Variants in GPC6 observed in about 807,000 individuals in gnomAD.
GPC6 encodes the protein glypican-6.
Under a neutral mutation model 55.2 loss-of-function variants are expected in GPC6, and 14 were observed. That is an observed-to-expected ratio of 0.25 (90% confidence interval 0.17 to 0.40). GPC6 has a LOEUF of 0.40. Among genes scored for constraint, GPC6 ranks in the 10% least tolerant of loss-of-function variants. The pLI, the probability that GPC6 is intolerant of heterozygous loss-of-function variation, is 1.00. For missense variants in GPC6, 641 were observed against 708.5 expected (o/e 0.90, Z 1.08); for synonymous variants, 278 against 259.6 (o/e 1.07, Z -0.68).
chr13:93,784,817 C>T (rs1038055602), intron 2 of GPC6, among the ~76,000 whole-genome samples: 1 of 152,134 alleles, frequency 6.6e-6, no homozygotes, highest in Non-Finnish European at 1.5e-5. Context: ...GGTGCCTCAA[C>T]ACATGTACAA....
At chr13:93,973,308 T>G (rs1007244726) in intron 3 of GPC6, among the ~76,000 whole-genome samples, 4 of 152,124 alleles carry the variant, frequency 2.6e-5, no homozygotes, top group Non-Finnish European at 5.9e-5. Flanking sequence ...ACAGTAAAAA[T>G]ATGGTGTTAA....
chr13:94,064,991 A>T (rs915000006), intron 4 of GPC6, among the ~76,000 whole-genome samples: 3 of 152,168 alleles, frequency 2.0e-5, no homozygotes, highest in African/African-American at 7.2e-5. Context: ...GTGAGACTTC[A>T]CAGAAAAAGG....
intron 2 of GPC6, among the ~76,000 whole-genome samples, chr13:93,765,308 T>TTCCAGATAAGCTGTCTGGAAAG: frequency 1.7e-3 from 248 of 148,484 alleles, no homozygotes; most frequent in East Asian, 3.2e-3. Context: ...AAAGACAACT[T>TTCCAGATAAGCTGTCTGGAAAG]ATTTGGTTTA....
At chr13:93,988,132 C>T (rs1442912920) in intron 3 of GPC6, among the ~76,000 whole-genome samples, 1 of 152,176 alleles carries the variant, frequency 6.6e-6, no homozygotes, top group East Asian at 1.9e-4. Context: ...TCCTCAAGCT[C>T]CTGCCAGAAA....
chr13:94,123,852 C>T (rs1381757969), intron 4 of GPC6, among the ~76,000 whole-genome samples: 1 of 151,988 alleles, frequency 6.6e-6, no homozygotes, highest in African/African-American at 2.4e-5. Flanking sequence ...CTAATGAGCC[C>T]TGTTTATCCA....
intron 3 of GPC6, among the ~76,000 whole-genome samples, chr13:93,930,227 G>A (rs1241462850): frequency 6.6e-6 from 1 of 150,960 alleles, no homozygotes; most frequent in African/African-American, 2.4e-5. Context: ...ATGCTAACAG[G>A]ACAGGAGTCT....
intron 4 of GPC6, among the ~76,000 whole-genome samples, chr13:94,037,865 G>A (rs925028792): frequency 6.6e-6 from 1 of 151,990 alleles, no homozygotes; most frequent in Non-Finnish European, 1.5e-5. Context: ...TGATGGAAAT[G>A]TTCTATGTCT....
intron 2 of GPC6, among the ~76,000 whole-genome samples, chr13:93,674,824 T>G (rs1594361898): frequency 8.7e-6 from 1 of 114,996 alleles, no homozygotes; most frequent in Admixed American, 1.0e-4. Flanking sequence ...GGCAAAGTTA[T>G]GTCAATGTCA....
At chr13:93,681,229 C>T (rs187981503) in intron 2 of GPC6, among the ~76,000 whole-genome samples, 3 of 152,154 alleles carry the variant, frequency 2.0e-5, no homozygotes, top group African/African-American at 7.2e-5. Flanking sequence ...CAGTATGTTG[C>T]AATTCCAGAA....
At chr13:93,610,945 A>C (rs1878435121) in intron 2 of GPC6, among the ~76,000 whole-genome samples, 1 of 152,140 alleles carries the variant, frequency 6.6e-6, no homozygotes, top group South Asian at 2.1e-4. Flanking sequence ...CAGATAAGAG[A>C]TATCAGAAAT....
chr13:94,351,692 T>G (rs572913121), intron 6 of GPC6, among the ~76,000 whole-genome samples: 2 of 152,202 alleles, frequency 1.3e-5, no homozygotes, highest in Admixed American at 6.5e-5. Flanking sequence ...TGATCTGCCT[T>G]CTATGACCTT....
At chr13:94,100,593 A>G (rs969500975) in intron 4 of GPC6, among the ~76,000 whole-genome samples, 1 of 152,116 alleles carries the variant, frequency 6.6e-6, no homozygotes, top group Non-Finnish European at 1.5e-5. Context: ...CAGTGTTTGG[A>G]TGGTCACCTT....
intron 1 of GPC6, among the ~76,000 whole-genome samples, chr13:93,328,757 A>G (rs1335868784): frequency 6.6e-6 from 1 of 152,154 alleles, no homozygotes; most frequent in Non-Finnish European, 1.5e-5. Context: ...GAATCTATGA[A>G]CTATTATGGC....
intron 3 of GPC6, among the ~76,000 whole-genome samples, chr13:93,956,581 T>A (rs1290948900): frequency 3.3e-5 from 5 of 152,180 alleles, no homozygotes; most frequent in South Asian, 2.1e-4. Flanking sequence ...CTCTTTCCAC[T>A]TTCGCCCCAA....
rs553300781 is a variant in GPC6, at chr13:93,421,376, T to A, written c.161-123887T>A. Among the ~76,000 whole-genome samples, 11 of 152,262 alleles carry A rather than the reference T, an allele frequency of 7.2e-5. No homozygotes were observed. In the East Asian group the frequency reaches 1.9e-3, roughly 27 times the overall value. On this transcript the variant is annotated intron_variant, in intron 1 of 8. Transcript: ENST00000377047. ...TCAAATTCCTGTTATCTTATTTAAA[T>A]GGTAGTACTGGCTTTTAGCATTATT...
At chr13:93,958,095 T>G (rs1325125585) in intron 3 of GPC6, among the ~76,000 whole-genome samples, 2 of 152,228 alleles carry the variant, frequency 1.3e-5, no homozygotes, top group African/African-American at 2.4e-5. Context: ...TTTAAGTTCC[T>G]TATAGAGTCT....
At chr13:93,362,692 T>G (rs199511027) in intron 1 of GPC6, among the ~76,000 whole-genome samples, 1 of 151,438 alleles carries the variant, frequency 6.6e-6, no homozygotes, top group Admixed American at 6.6e-5. Flanking sequence ...AAAAAAAAAT[T>G]TTTTTTAAAG....
chr13:93,554,223 A>C (rs575081935), intron 2 of GPC6, among the ~76,000 whole-genome samples: 1 of 151,960 alleles, frequency 6.6e-6, no homozygotes, highest in South Asian at 2.1e-4. Flanking sequence ...AATCCATTGT[A>C]CATACGGAAC....
At chr13:93,824,377 A>G (rs1887160619) in intron 2 of GPC6, among the ~76,000 whole-genome samples, 1 of 152,190 alleles carries the variant, frequency 6.6e-6, no homozygotes, top group Admixed American at 6.5e-5. Flanking sequence ...TGGTTTGGGA[A>G]TTAACTCTAA....
Sources: allele counts gnomAD v4.1 joint callset (sites outside exome capture counted in the v4.1 genomes callset), GRCh38; gene constraint gnomAD v4.1.1; transcripts MANE v1.5; gene names NCBI Gene and HGNC (gene_info 2026-07-23, HGNC 2026-07-21).